The following ASIC2 variants were observed in gnomAD, a reference collection of about 807,000 sequenced individuals.
ASIC2 encodes acid-sensing ion channel 2.
Under a neutral mutation model 57.3 loss-of-function variants are expected in ASIC2, and 25 were observed. That is an observed-to-expected ratio of 0.44 (90% CI 0.32 to 0.61). The LOEUF (loss-of-function observed/expected upper bound fraction) is 0.61, where lower values mean the gene tolerates loss of function less well. ASIC2 is among the 20% of genes least tolerant of loss of function. The pLI is 0.06. For synonymous variants in ASIC2, 319 were observed against 307.5 expected, an observed-to-expected ratio of 1.04 and a Z score of -0.39; for missense variants, 641 against 738.1, an observed-to-expected ratio of 0.87 and a Z score of 1.52.
chr17:33,942,634 A>G (rs1490318521), intron 1 of ASIC2, among the ~76,000 whole-genome samples: 2 of 152,200 alleles, frequency 1.3e-5, no homozygotes, highest in Non-Finnish European at 2.9e-5. Context: ...GATAATCACT[A>G]TGGAAACGAG....
At chr17:33,436,706 A>C (rs2141981378) in intron 1 of ASIC2, among the ~76,000 whole-genome samples, 1 of 152,010 alleles carries the variant, frequency 6.6e-6, no homozygotes, top group South Asian at 2.1e-4. Context: ...CATTAATTAA[A>C]CCCTTTCTTT....
At chr17:33,601,558 T>G (rs1583390) in intron 1 of ASIC2, among the ~76,000 whole-genome samples, 13,299 of 152,270 alleles carry the variant, frequency 0.087, 1,428 homozygotes, top group African/African-American at 0.25. Flanking sequence ...GGAGGTATCG[T>G]GGCCTCTACT....
intron 1 of ASIC2, among the ~76,000 whole-genome samples, chr17:33,148,531 C>T (rs1246991902): frequency 6.6e-6 from 1 of 152,190 alleles, no homozygotes; most frequent in East Asian, 1.9e-4. Flanking sequence ...GTCAAACTGC[C>T]TGGGTTTCAA....
intron 1 of ASIC2, among the ~76,000 whole-genome samples, chr17:33,702,785 T>A (rs985896077): frequency 6.6e-6 from 1 of 152,228 alleles, no homozygotes; most frequent in Admixed American, 6.5e-5. Context: ...AAGTGTCATA[T>A]GTTGCCTCCC....
intron 1 of ASIC2, among the ~76,000 whole-genome samples, chr17:33,317,260 C>A (rs1806231418): frequency 6.6e-6 from 1 of 152,302 alleles, no homozygotes; most frequent in African/African-American, 2.4e-5. Context: ...GAGTACCAGG[C>A]ATGCTGTGAG....
chr17:33,671,993 A>T (rs1438481641), intron 1 of ASIC2, among the ~76,000 whole-genome samples: 1 of 152,094 alleles, frequency 6.6e-6, no homozygotes, highest in Non-Finnish European at 1.5e-5. Flanking sequence ...GAATCACATC[A>T]GTTCACTTTT....
At chr17:33,318,495 G>T (rs908191204) in intron 1 of ASIC2, among the ~76,000 whole-genome samples, 2 of 152,146 alleles carry the variant, frequency 1.3e-5, no homozygotes, top group Admixed American at 6.5e-5. Flanking sequence ...GCCCTCCCTC[G>T]TTTGGGTGAC....
chr17:33,233,593 A>G (rs1045396417), intron 1 of ASIC2, among the ~76,000 whole-genome samples: 2 of 151,276 alleles, frequency 1.3e-5, no homozygotes, highest in Non-Finnish European at 2.9e-5. Flanking sequence ...TCTGTACACA[A>G]AAGTCTCCAC....
At chr17:33,885,847 G>A (rs1251852601) in intron 1 of ASIC2, among the ~76,000 whole-genome samples, 1 of 152,180 alleles carries the variant, frequency 6.6e-6, no homozygotes, top group African/African-American at 2.4e-5. Flanking sequence ...CAGATGAACT[G>A]AAGTCAGTAT....
chr17:33,132,811 T>C (rs1176221958), intron 1 of ASIC2, among the ~76,000 whole-genome samples: 1 of 152,226 alleles, frequency 6.6e-6, no homozygotes, highest in Non-Finnish European at 1.5e-5. Flanking sequence ...ATTTTAAAAA[T>C]TGTTACGTCC....
At chr17:33,595,337 G>A (rs1904948923) in intron 1 of ASIC2, among the ~76,000 whole-genome samples, 1 of 152,230 alleles carries the variant, frequency 6.6e-6, no homozygotes, top group South Asian at 2.1e-4. Context: ...ATTAGGTCTG[G>A]AGTAAGTGGA....
chr17:33,820,819 G>C (rs548608135), intron 1 of ASIC2, among the ~76,000 whole-genome samples: 3 of 152,134 alleles, frequency 2.0e-5, no homozygotes, highest in Admixed American at 6.5e-5. Flanking sequence ...TGGGACTACT[G>C]GTGCGTGTCA....
intron 1 of ASIC2, among the ~76,000 whole-genome samples, chr17:33,944,472 A>G (rs1409265831): frequency 6.6e-6 from 1 of 152,210 alleles, no homozygotes; most frequent in Non-Finnish European, 1.5e-5. Flanking sequence ...AGGGAGAGGC[A>G]GACAGATAAA....
chr17:33,292,036 G>C lies in ASIC2; in HGVS notation c.80C>G (p.Pro27Arg). 8.7e-7 allele frequency: 1 copy of C among 1,155,664 alleles called. No individual in the cohort carries two copies. Among genetic ancestry groups the C allele is most frequent in the Non-Finnish European group, 1.1e-6 (1 of 945,162 alleles). 71.6% of individuals were successfully genotyped at this position (1,155,664 alleles called of 1,614,324 possible). Residue 27 changes from proline to arginine, a missense_variant, in exon 1 of 10, where the codon CCG (proline) becomes CGG (arginine). Pro to Arg is a moderately radical substitution (Grantham distance 103). Around this residue, in one of 3 missense-constraint regions of ASIC2, gnomAD observed 382 missense variants for 398.0 expected, o/e 0.96. Coordinates refer to ENST00000225823, the MANE Select transcript of ASIC2 (RefSeq NM_183377.2). ...GGCAGCCGCCAACGCCGCGGGCGCC[G>C]GCTCCTCGCGGGCCATGCGGAAGCG... ...PGRFRMAREE[P>R]APAALAAAGQ...
intron 1 of ASIC2, among the ~76,000 whole-genome samples, chr17:33,557,022 C>T (rs1006211990): frequency 7.9e-5 from 12 of 152,216 alleles, no homozygotes; most frequent in African/African-American, 2.9e-4. Context: ...GCTGCTTTTG[C>T]AGCATCTGTC....
At chr17:33,517,476 T>A (rs1181259086) in intron 1 of ASIC2, among the ~76,000 whole-genome samples, 1 of 152,172 alleles carries the variant, frequency 6.6e-6, no homozygotes, top group East Asian at 1.9e-4. Context: ...TTTCTGTGGG[T>A]CAGGAGTTGG....
At chr17:33,204,857 G>A (rs1274735067) in intron 1 of ASIC2, among the ~76,000 whole-genome samples, 1 of 152,208 alleles carries the variant, frequency 6.6e-6, no homozygotes, top group Non-Finnish European at 1.5e-5. Context: ...GAAGGGCCAT[G>A]AATGAAGCCA....
intron 1 of ASIC2, among the ~76,000 whole-genome samples, chr17:33,998,072 T>TTA (rs1418312253): frequency 6.6e-6 from 1 of 152,204 alleles, no homozygotes; most frequent in African/African-American, 2.4e-5. Context: ...TCCTTTCTTG[T>TTA]TATTGGCCTG....
chr17:33,590,497 G>A (rs564611953), intron 1 of ASIC2, among the ~76,000 whole-genome samples: 88 of 152,122 alleles, frequency 5.8e-4, no homozygotes, highest in African/African-American at 2.1e-3. Context: ...ATGAAATGAA[G>A]CTCAGGTAGA....
Sources: gnomAD v4.1 joint callset for allele counts (sites outside exome capture counted in the v4.1 genomes callset) on GRCh38, gnomAD v4.1.1 for gene constraint, gnomAD v4.1.1 regional missense constraint, MANE v1.5 for transcripts, NCBI Gene and HGNC (gene_info 2026-07-23, HGNC 2026-07-21) for gene names.